TARS3: variants seen among roughly 807,000 people sequenced by gnomAD.
TARS3 encodes the protein threonine--tRNA ligase 2, cytoplasmic.
Under a neutral mutation model 103.5 loss-of-function variants are expected in TARS3, and 94 were observed. The observed-to-expected ratio is 0.91, with a 90% CI of 0.77 to 1.08. The LOEUF is 1.08. TARS3 is among the 50% of genes least tolerant of loss of function. The pLI is 0.00. For missense variants in TARS3, 952 were observed against 995.2 expected (o/e 0.96, Z 0.58); for synonymous variants, 416 against 355.4 (o/e 1.17, Z -1.92).
rs79115245 is a variant in TARS3 at position 101,699,044 on chromosome 15, G to A, written c.1320+2042C>T. ...AATTCAATGATCAGTCCTTAATAGT[G>A]GCAGAGGGTGAATGCTCCAGTGGGA... On this transcript the variant is annotated intron_variant, in intron 10 of 18. Coordinates refer to ENST00000335968, the MANE Select transcript of TARS3 (RefSeq NM_152334.3). Among the ~76,000 whole-genome samples the A allele has an allele frequency of 5.1e-3, 776 of 152,274 alleles. 44 individuals are homozygous for A. In the East Asian group the frequency reaches 0.13, roughly 25 times the overall value.
chr15:101,691,274 T>A (rs933330840), intron 10 of TARS3, among the ~76,000 whole-genome samples: 7 of 135,542 alleles, frequency 5.2e-5, no homozygotes, highest in African/African-American at 7.8e-5. Flanking sequence ...ACCTCAGTAT[T>A]TATATATATA....
intron 3 of TARS3, among the ~76,000 whole-genome samples, chr15:101,720,302 C>T (rs1446457746): frequency 5.9e-5 from 9 of 152,084 alleles, no homozygotes; most frequent in Admixed American, 5.9e-4. Flanking sequence ...TATACAATAG[C>T]TTCTATACAA....
intron 10 of TARS3, among the ~76,000 whole-genome samples, chr15:101,700,696 C>A: frequency 6.6e-6 from 1 of 150,526 alleles, no homozygotes; most frequent in African/African-American, 2.4e-5. Context: ...CAGGCTGGAG[C>A]GCAGTGGCAC....
intron 13 of TARS3, among the ~76,000 whole-genome samples, chr15:101,674,141 C>T (rs1024967187): frequency 6.6e-6 from 1 of 152,224 alleles, no homozygotes; most frequent in African/African-American, 2.4e-5. Context: ...CGTCCAGAGT[C>T]TCCATGCTGG....
intron 10 of TARS3, among the ~76,000 whole-genome samples, chr15:101,691,034 G>A (rs1412697711): frequency 1.3e-5 from 2 of 152,020 alleles, no homozygotes; most frequent in East Asian, 3.9e-4. Flanking sequence ...CGTCTCCTGG[G>A]TTCACACCAT....
intron 3 of TARS3, among the ~76,000 whole-genome samples, chr15:101,719,013 G>A (rs188019958): frequency 6.6e-6 from 1 of 152,242 alleles, no homozygotes; most frequent in East Asian, 1.9e-4. Flanking sequence ...GACAAGTGAG[G>A]GTAATGGACA....
rs770861022 is a variant in TARS3, at chr15:101,653,610, G to A, written c.*972C>T. 6.6e-6 allele frequency: 1 copy of A among 152,132 alleles called. No homozygotes were observed. The highest frequency in any genetic ancestry group is 1.5e-5 in the Non-Finnish European group (1 of 67,984). The allele number at this position is 152,132 out of a possible 1,614,324, so 9.4% of individuals were successfully genotyped here. ...CTACTACACAAGCCTGATATATATT[G>A]TTTTGTTTGCCAACTGTTTCACTGT... On this transcript the variant is annotated 3_prime_UTR_variant, in exon 19 of 19. Coordinates refer to ENST00000335968, the MANE Select transcript of TARS3 (RefSeq NM_152334.3).
intron 1 of TARS3, among the ~76,000 whole-genome samples, chr15:101,723,724 T>A (rs1462307843): frequency 6.6e-6 from 1 of 152,164 alleles, no homozygotes; most frequent in East Asian, 1.9e-4. Context: ...CCAGAGGGAA[T>A]GAGAGTTTAC....
At chr15:101,661,675 T>A in intron 16 of TARS3, 37 bp downstream of exon 16, 2 of 1,215,672 alleles carry the variant, frequency 1.6e-6, no homozygotes, top group Non-Finnish European at 2.4e-6. Flanking sequence ...TTAAAAAGAA[T>A]AATAGACATA....
chr15:101,667,098 A>G (rs1347388672), intron 15 of TARS3, among the ~76,000 whole-genome samples: 1 of 152,202 alleles, frequency 6.6e-6, no homozygotes, highest in African/African-American at 2.4e-5. Flanking sequence ...TGCATTGTCA[A>G]TGAGCAGTAA....
chr15:101,713,042 T>C (rs996590444), intron 4 of TARS3, among the ~76,000 whole-genome samples: 2 of 152,190 alleles, frequency 1.3e-5, no homozygotes, highest in Admixed American at 6.5e-5. Context: ...ACCTACACAT[T>C]TGTTGAGCCA....
At chr15:101,708,427 C>T (rs1256475921) in intron 6 of TARS3, among the ~76,000 whole-genome samples, 1 of 151,912 alleles carries the variant, frequency 6.6e-6, no homozygotes, top group Non-Finnish European at 1.5e-5. Flanking sequence ...AGGTTAAAAT[C>T]TGAAACAAAA....
chr15:101,657,184 G>A (rs901533765), intron 17 of TARS3, 148 bp from the exon 18 acceptor site: 14 of 555,568 alleles, frequency 2.5e-5, no homozygotes, highest in African/African-American at 2.1e-4. Flanking sequence ...AAAGAAGTGC[G>A]GAAGTGTCGG....
chr15:101,690,200 G>A (rs1237375635), intron 10 of TARS3, among the ~76,000 whole-genome samples: 1 of 152,174 alleles, frequency 6.6e-6, no homozygotes, highest in African/African-American at 2.4e-5. Flanking sequence ...TGCCTGTCTC[G>A]CCTCATCTTG....
intron 1 of TARS3, 21 bp downstream of exon 1, chr15:101,724,070 G>A (rs1900635116): frequency 3.7e-6 from 5 of 1,355,998 alleles, no homozygotes; most frequent in Non-Finnish European, 3.8e-6. Flanking sequence ...GTCCTCTCCA[G>A]TGTCCCCACC....
At chr15:101,678,547 A>C (rs1211032510) in intron 12 of TARS3, among the ~76,000 whole-genome samples, 1 of 151,586 alleles carries the variant, frequency 6.6e-6, no homozygotes, top group Non-Finnish European at 1.5e-5. Context: ...ATAACTTATC[A>C]GTCCAGATAT....
chr15:101,698,494 T>A (rs114103738), intron 10 of TARS3, among the ~76,000 whole-genome samples: 164 of 152,166 alleles, frequency 1.1e-3, no homozygotes, highest in African/African-American at 3.9e-3. Flanking sequence ...AATCAAAGTG[T>A]ATCTTTTGAC....
chr15:101,715,004 G>T, intron 3 of TARS3, 41 bp from the exon 4 acceptor site: 2 of 1,552,398 alleles, frequency 1.3e-6, no homozygotes, highest in Non-Finnish European at 8.7e-7. Context: ...CTTTATCACT[G>T]TTACAATGAT....
chr15:101,706,585 CAAT>C (rs1183364120), intron 6 of TARS3, among the ~76,000 whole-genome samples: 9 of 152,162 alleles, frequency 5.9e-5, no homozygotes, highest in Middle Eastern at 3.4e-3. Flanking sequence ...TAACATTAAT[CAAT>C]AAAATTCTGA....
Sources: allele counts gnomAD v4.1 joint callset (sites outside exome capture counted in the v4.1 genomes callset), GRCh38; gene constraint gnomAD v4.1.1; transcripts MANE v1.5; gene names NCBI Gene and HGNC (gene_info 2026-07-23, HGNC 2026-07-21).